The following BRF2 variants were observed in gnomAD, a reference collection of about 807,000 sequenced individuals.
BRF2 encodes the protein BRF2 general transcription factor IIIB subunit, also known as transcription factor IIIB 50 kDa subunit.
BRF2 carries 17 observed loss-of-function variants against 26.6 expected under a neutral mutation model. The observed-to-expected ratio is 0.64, with a 90% CI of 0.44 to 0.96. The LOEUF (loss-of-function observed/expected upper bound fraction) is 0.96. Among genes scored for constraint, BRF2 ranks in the 40% least tolerant of loss-of-function variants. The pLI is 0.00. For missense variants in BRF2, 515 were observed against 537.0 expected, an observed-to-expected ratio of 0.96 and a Z score of 0.40; for synonymous variants, 219 against 226.6, an observed-to-expected ratio of 0.97 and a Z score of 0.30.
chr8:37,843,563 A>G lies in BRF2; in HGVS notation c.*927T>C, dbSNP rs1475116181. On this transcript the variant is annotated 3_prime_UTR_variant, in exon 4 of 4. Transcript: ENST00000220659. ...ACAGGACCAAATGGAAACCGAGGGA[A>G]CCCTGGGTCTTGGGAAGAACAACAG... 2.6e-5 allele frequency: 4 copies of G among 152,058 alleles called. No homozygotes were observed. Among genetic ancestry groups the G allele is most frequent in the Non-Finnish European group, 5.9e-5 (4 of 68,032 alleles). 9.4% of individuals were successfully genotyped at this position (152,058 alleles called of 1,614,324 possible). A position where few individuals can be genotyped will look rare whatever the true frequency, so the allele number is the denominator to read the frequency against.
chr8:37,844,131 C>T lies in BRF2; in HGVS notation c.*359G>A, dbSNP rs979897168. The T allele has an allele frequency of 4.8e-5, 12 of 247,436 alleles. No homozygotes were observed. The East Asian group carries it at 1.0e-3, about 21-fold the overall frequency. 15.3% of individuals were successfully genotyped at this position (247,436 alleles called of 1,614,324 possible). On this transcript the variant is annotated 3_prime_UTR_variant, in exon 4 of 4. Coordinates refer to ENST00000220659, the MANE Select transcript of BRF2 (RefSeq NM_018310.4). ...ACTGCTGGGAATGCCAACCACTCCA[C>T]AAGCAGAGGGAAGCCCCCTCAGGCC...
At position 37,844,428 on chromosome 8, in the gene BRF2, G is replaced by A. The variant is rs1805909857; in HGVS notation, c.*62C>T. ...CGGACTGGTGTACACTTCCATCCTT[G>A]GTTATAACAGGAATGTTATCAAGCT... On this transcript the variant is annotated 3_prime_UTR_variant, in exon 4 of 4. Coordinates refer to ENST00000220659, the MANE Select transcript of BRF2 (RefSeq NM_018310.4). The A allele has an allele frequency of 6.4e-7, 1 of 1,569,228 alleles. No individual in the cohort carries two copies.
chr8:37,845,687 T>C (rs1209063937), intron 3 of BRF2: 1 of 700,186 alleles, frequency 1.4e-6, no homozygotes, highest in Admixed American at 2.0e-5. Flanking sequence ...CTGTAATACC[T>C]GCATTTTGGG....
Position 37,843,471 on chromosome 8 carries a change from C to T in BRF2, c.*1019G>A, listed in dbSNP as rs1485629170. 6.6e-6 allele frequency: 1 copy of T among 152,264 alleles called. No homozygotes were observed. The highest frequency in any genetic ancestry group is 1.9e-4 in the East Asian group (1 of 5,200). 9.4% of individuals were successfully genotyped at this position (152,264 alleles called of 1,614,324 possible). A position where few individuals can be genotyped will look rare whatever the true frequency, so the allele number is the denominator to read the frequency against. Reference sequence around the variant, plus strand: ...CCTGCAGGTCATGAGGGGCCTATGCCTTTACTCCTTTTAAACACCAGCACC... The same window carrying T: ...CCTGCAGGTCATGAGGGGCCTATGCTTTTACTCCTTTTAAACACCAGCACC... On this transcript the variant is annotated 3_prime_UTR_variant, in exon 4 of 4. Coordinates refer to ENST00000220659, the MANE Select transcript of BRF2 (RefSeq NM_018310.4).
chr8:37,844,602 T>C lies in BRF2; in HGVS notation c.1148A>G (p.Asn383Ser). Residue 383 changes from asparagine to serine, a missense_variant, in exon 4 of 4, where the codon AAC (asparagine) becomes AGC (serine). By Grantham distance (46) the Asn-to-Ser change is conservative. Coordinates refer to ENST00000220659, the MANE Select transcript of BRF2 (RefSeq NM_018310.4). ...PPVSTVTGDE[N>S]ISDSEIEQYL... ...CTGTTCTATTTCACTATCAGAAATG[T>C]TCTCATCTCCAGTGACAGTGGAGAC... 7 of 1,614,132 alleles carry C rather than the reference T, an allele frequency of 4.3e-6. No homozygotes were observed. Among genetic ancestry groups the C allele is most frequent in the Non-Finnish European group, 5.9e-6 (7 of 1,180,020 alleles).
In BRF2 at chr8:37,849,749, G is replaced by A; in HGVS notation, c.35C>T (p.Ser12Phe). Residue 12 changes from serine to phenylalanine, a missense_variant, in exon 1 of 4, where the codon TCC becomes TTC. Ser to Phe is a radical substitution (Grantham distance 155). Transcript: ENST00000220659. ...PGRGRCPDCG[S>F]TELVEDSHYS... ...GTGCGAGTCTTCCACCAGCTCCGTG[G>A]AGCCGCAGTCCGGGCAGCGGCCTCT... The A allele has an allele frequency of 6.2e-7, 1 of 1,612,894 alleles. No individual in the cohort carries two copies. Among genetic ancestry groups the A allele is most frequent in the Non-Finnish European group, 8.5e-7 (1 of 1,179,886 alleles).
At position 37,849,817 on chromosome 8, in the gene BRF2, A is replaced by T; in HGVS notation, c.-34T>A. On this transcript the variant is annotated 5_prime_UTR_variant, in exon 1 of 4. Transcript: ENST00000220659. ...CGGCCCCAAAGCCGCGGAAGCCTTC[A>T]GAGACTCCTGGGTCTGCAACAGCAA... 6 of 1,576,322 alleles carry T rather than the reference A, an allele frequency of 3.8e-6. No homozygotes were observed. The highest frequency in any genetic ancestry group is 5.2e-6 in the Non-Finnish European group (6 of 1,164,438).
Position 37,848,674 on chromosome 8 carries a change from C to G in BRF2, c.155-19G>C, listed in dbSNP as rs1290854122. 2 of 1,607,198 alleles carry G rather than the reference C, an allele frequency of 1.2e-6. No homozygotes were observed. The highest frequency in any genetic ancestry group is 1.7e-6 in the Non-Finnish European group (2 of 1,173,794). On this transcript the variant is annotated intron_variant, in intron 1 of 3. Coordinates refer to ENST00000220659, the MANE Select transcript of BRF2 (RefSeq NM_018310.4). ...GTTACCTCTGTAAGATAATAAACAA[C>G]AAATAGTGTGCTTAGCCTTTATTCA... is the stretch of plus-strand genomic sequence containing the variant.
chr8:37,845,580 T>C, intron 3 of BRF2: 1 of 641,488 alleles, frequency 1.6e-6, no homozygotes, highest in Non-Finnish European at 2.8e-6. Context: ...CAAGGCTATT[T>C]GACACCAACA....
rs1214368920 is a variant in BRF2 at position 37,843,771 on chromosome 8, A to G, written c.*719T>C. The G allele has an allele frequency of 6.6e-6, 1 of 152,578 alleles. No individual in the cohort carries two copies. Among genetic ancestry groups the G allele is most frequent in the Non-Finnish European group, 1.5e-5 (1 of 68,020 alleles). The allele number at this position is 152,578 out of a possible 1,614,324, so 9.5% of individuals were successfully genotyped here. On this transcript the variant is annotated 3_prime_UTR_variant, in exon 4 of 4. Transcript: ENST00000220659. ...AAAAAAAGCTTTGTATTATTCTTCC[A>G]CATATGCTGGCTGCTGTTTACACAC...
chr8:37,844,534 G>A lies in BRF2; in HGVS notation c.1216C>T (p.Gln406Ter), dbSNP rs1465630073. 1 of 1,613,746 alleles carries A rather than the reference G, an allele frequency of 6.2e-7. No individual in the cohort carries two copies. Among genetic ancestry groups the A allele is most frequent in the Non-Finnish European group, 8.5e-7 (1 of 1,180,018 alleles). ...CTCGTGGCAGCCTGTCTAGCAGCCT[G>A]GGCTCTCTGAAAGTCCCTAACTTCC... ...PQEVRDFQRA[Q>*]AARQAATSVP... The change falls in exon 4 of 4, where the codon CAG becomes TAG. Residue 406 changes from glutamine (Q) to a stop codon, truncating the protein, a stop_gained. Coordinates refer to ENST00000220659, the MANE Select transcript of BRF2 (RefSeq NM_018310.4). LOFTEE classifies it high-confidence loss of function.
Position 37,849,761 on chromosome 8 carries a change from G to T in BRF2, c.23C>A (p.Pro8Gln), listed in dbSNP as rs1467393863. The T allele has an allele frequency of 6.2e-7, 1 of 1,611,668 alleles. No homozygotes were observed. Residue 8 changes from proline to glutamine, a missense_variant, in exon 1 of 4, where the codon CCG (proline) becomes CAG (glutamine). Transcript: ENST00000220659. MPGRGRC[P>Q]DCGSTELVED... is the part of the protein sequence containing the mutation. ...CACCAGCTCCGTGGAGCCGCAGTCC[G>T]GGCAGCGGCCTCTGCCTGGCATCTC...
intron 3 of BRF2, 89 bp downstream of exon 3, chr8:37,846,765 G>GA (rs879152700): frequency 0.059 from 38,552 of 652,640 alleles, no homozygotes; most frequent in East Asian, 0.071. Flanking sequence ...AAGACTCCAA[G>GA]AAAAAAAAAA....
rs1805910583 is a variant in BRF2, at chr8:37,844,456, C to G, written c.*34G>C. 1 of 1,600,142 alleles carries G rather than the reference C, an allele frequency of 6.2e-7. No homozygotes were observed. The highest frequency in any genetic ancestry group is 1.7e-5 in the Admixed American group (1 of 59,492). On this transcript the variant is annotated 3_prime_UTR_variant, in exon 4 of 4. Transcript: ENST00000220659. ...TATAACAGGAATGTTATCAAGCTGT[C>G]AGAACAGGATGAAGTGCTCCCAGTG... is the stretch of plus-strand genomic sequence containing the variant.
chr8:37,845,791 C>G lies in BRF2; in HGVS notation c.537-578G>C, dbSNP rs774460439. 6.2e-5 allele frequency: 39 copies of G among 624,100 alleles called. 1 individual carries two copies. The South Asian group carries it at 6.8e-4, about 11-fold the overall frequency. 38.7% of individuals were successfully genotyped at this position (624,100 alleles called of 1,614,324 possible). Reference sequence around the variant, plus strand: ...CACTCCAGGCTGGGTGAAAGAGACCCTGTCTTTAAAAAAACTAGAAAAGAC... The same window carrying G: ...CACTCCAGGCTGGGTGAAAGAGACCGTGTCTTTAAAAAAACTAGAAAAGAC... On this transcript the variant is annotated intron_variant, in intron 3 of 3. Transcript: ENST00000220659.
At chr8:37,845,253 G>C (rs748411226) in intron 3 of BRF2, 40 bp from the exon 4 acceptor site, 5 of 1,534,560 alleles carry the variant, frequency 3.3e-6, no homozygotes, top group Non-Finnish European at 4.5e-6. Flanking sequence ...TAATGATATA[G>C]GGGCTGCTCT....
intron 3 of BRF2, 77 bp from the exon 4 acceptor site, chr8:37,845,290 C>T: frequency 8.7e-7 from 1 of 1,143,608 alleles, no homozygotes; most frequent in Non-Finnish European, 1.3e-6. Flanking sequence ...ACAGCCCACT[C>T]AAGATGGGGA....
At position 37,844,096 on chromosome 8, in the gene BRF2, G is replaced by A. The variant is rs1805900228; in HGVS notation, c.*394C>T. The stretch of plus-strand genomic sequence containing the variant: ...AGAATTCCCCAGTTCCCGCTCCTCT[G>A]AGGGTTGATACTGCTGGGAATGCCA... On this transcript the variant is annotated 3_prime_UTR_variant, in exon 4 of 4. Transcript: ENST00000220659. The A allele has an allele frequency of 4.7e-6, 1 of 212,092 alleles. No individual in the cohort carries two copies. The highest frequency in any genetic ancestry group is 2.3e-5 in the African/African-American group (1 of 44,338). 13.1% of individuals were successfully genotyped at this position (212,092 alleles called of 1,614,324 possible).
intron 3 of BRF2, chr8:37,845,789 C>A: frequency 3.2e-6 from 2 of 625,956 alleles, no homozygotes; most frequent in South Asian, 1.7e-5. Context: ...GTGAAAGAGA[C>A]CCTGTCTTTA....
Sources: gnomAD v4.1 joint callset for allele counts on GRCh38, gnomAD v4.1.1 for gene constraint, MANE v1.5 for transcripts, NCBI Gene and HGNC (gene_info 2026-07-23, HGNC 2026-07-21) for gene names.